ZBTB44: variants seen among roughly 807,000 people sequenced by gnomAD.
ZBTB44 encodes zinc finger and BTB domain containing 44.
A neutral mutation model predicts 54.0 loss-of-function variants in ZBTB44; 15 were observed. That is an observed-to-expected ratio of 0.28 (90% confidence interval 0.19 to 0.43). The LOEUF (loss-of-function observed/expected upper bound fraction) is 0.43. Among genes scored for constraint, ZBTB44 ranks in the 20% least tolerant of loss-of-function variants. ZBTB44 has a pLI of 1.00. For missense variants in ZBTB44, 487 were observed against 707.1 expected (o/e 0.69, Z 3.53); for synonymous variants, 230 against 250.1 (o/e 0.92, Z 0.76).
At chr11:130,256,641 G>A (rs1190660199) in intron 2 of ZBTB44, among the ~76,000 whole-genome samples, 5 of 142,970 alleles carry the variant, frequency 3.5e-5, no homozygotes, top group African/African-American at 1.4e-4. Context: ...GTGACAGAGT[G>A]AGACTCCGTC....
intron 2 of ZBTB44, among the ~76,000 whole-genome samples, chr11:130,255,565 C>T (rs763088095): frequency 2.6e-5 from 4 of 151,584 alleles, no homozygotes; most frequent in East Asian, 1.9e-4. Context: ...AGAGCAGAAC[C>T]GAAAGAGACA....
At chr11:130,249,897 A>G (rs565480906) in intron 2 of ZBTB44, among the ~76,000 whole-genome samples, 1 of 152,220 alleles carries the variant, frequency 6.6e-6, no homozygotes, top group South Asian at 2.1e-4. Flanking sequence ...AACCACAGTG[A>G]GACAGAACCA....
intron 1 of ZBTB44, among the ~76,000 whole-genome samples, chr11:130,302,571 GA>G (rs1168846641): frequency 4.6e-5 from 7 of 152,144 alleles, no homozygotes; most frequent in African/African-American, 1.7e-4. Flanking sequence ...CAGAAAGTAA[GA>G]AGAGCAAAGA....
At chr11:130,305,977 TAA>T (rs1491374305) in intron 1 of ZBTB44, among the ~76,000 whole-genome samples, 1 of 151,936 alleles carries the variant, frequency 6.6e-6, no homozygotes, top group East Asian at 1.9e-4. Context: ...TCAAATGATA[TAA>T]AAACAGCCAA....
intron 2 of ZBTB44, among the ~76,000 whole-genome samples, chr11:130,252,424 A>G (rs887944164): frequency 7.2e-5 from 11 of 152,208 alleles, no homozygotes; most frequent in African/African-American, 2.7e-4. Flanking sequence ...GACCAAGCAG[A>G]CCTAATAGAC....
At position 130,297,652 on chromosome 11, in the gene ZBTB44, C is replaced by G. The variant is rs1217142043; in HGVS notation, c.-57+16723G>C. Among the ~76,000 whole-genome samples, 3 of 152,168 alleles carry G rather than the reference C, an allele frequency of 2.0e-5. No individual in the cohort carries two copies. The East Asian group carries it at 5.8e-4, about 29-fold the overall frequency. ...ACATAGGGAGGATGCCCCATGAAGACAAGCCAAGGCACTACCAGAAGCAAA... is the reference window on the plus strand; with the variant it reads ...ACATAGGGAGGATGCCCCATGAAGAGAAGCCAAGGCACTACCAGAAGCAAA... On this transcript the variant is annotated intron_variant, in intron 1 of 7. Coordinates refer to ENST00000357899, the MANE Select transcript of ZBTB44 (RefSeq NM_001301098.2).
At position 130,226,703 on chromosome 11, in the gene ZBTB44, T is replaced by C. The variant is rs1953704059; in HGVS notation, c.*5061A>G. The stretch of plus-strand genomic sequence containing the variant: ...TTTATTCCATAAAGCATAAGATATT[T>C]TAATGAGAAAACGAAAACAAAATCA... On this transcript the variant is annotated 3_prime_UTR_variant, in exon 8 of 8. Coordinates refer to ENST00000357899, the MANE Select transcript of ZBTB44 (RefSeq NM_001301098.2). 3 of 152,230 alleles carry C rather than the reference T, an allele frequency of 2.0e-5. No homozygotes were observed. The highest frequency in any genetic ancestry group is 2.9e-5 in the Non-Finnish European group (2 of 68,040). 9.4% of individuals were successfully genotyped at this position (152,230 alleles called of 1,614,324 possible).
intron 2 of ZBTB44, among the ~76,000 whole-genome samples, chr11:130,243,469 T>C (rs1954478808): frequency 6.6e-6 from 1 of 152,250 alleles, no homozygotes; most frequent in Non-Finnish European, 1.5e-5. Context: ...AAAGTCTGTG[T>C]TGTAACAATT....
intron 2 of ZBTB44, among the ~76,000 whole-genome samples, chr11:130,249,633 G>C (rs1358836765): frequency 2.0e-5 from 3 of 152,238 alleles, no homozygotes; most frequent in Non-Finnish European, 2.9e-5. Context: ...AGTGGGTACA[G>C]CCCACAGAGG....
chr11:130,279,797 C>A (rs1222116499), intron 1 of ZBTB44, among the ~76,000 whole-genome samples: 2 of 152,282 alleles, frequency 1.3e-5, no homozygotes, highest in East Asian at 3.9e-4. Context: ...AGTCCTCTCC[C>A]ACAACTACCA....
chr11:130,244,022 TG>T (rs1354767312), intron 2 of ZBTB44, among the ~76,000 whole-genome samples: 1 of 152,206 alleles, frequency 6.6e-6, no homozygotes, highest in Non-Finnish European at 1.5e-5. Context: ...CTCTTTGAGT[TG>T]ATCAACCAAA....
At chr11:130,254,956 C>T (rs1591963960) in intron 2 of ZBTB44, among the ~76,000 whole-genome samples, 1 of 151,662 alleles carries the variant, frequency 6.6e-6, no homozygotes, top group Non-Finnish European at 1.5e-5. Context: ...CCATCATTCT[C>T]AGCAAACTAT....
intron 1 of ZBTB44, among the ~76,000 whole-genome samples, chr11:130,265,288 A>G (rs994046933): frequency 2.0e-5 from 3 of 152,010 alleles, no homozygotes; most frequent in Admixed American, 6.6e-5. Context: ...GTGCAGTGGC[A>G]CAATCTTGGC....
chr11:130,229,322 T>C lies in ZBTB44; in HGVS notation c.*2442A>G, dbSNP rs1953791197. 1 of 152,176 alleles carries C rather than the reference T, an allele frequency of 6.6e-6. No individual in the cohort carries two copies. The highest frequency in any genetic ancestry group is 1.5e-5 in the Non-Finnish European group (1 of 68,024). The allele number at this position is 152,176 out of a possible 1,614,324, so 9.4% of individuals were successfully genotyped here. A position where few individuals can be genotyped will look rare whatever the true frequency, so the allele number is the denominator to read the frequency against. On this transcript the variant is annotated 3_prime_UTR_variant, in exon 8 of 8. Coordinates refer to ENST00000357899, the MANE Select transcript of ZBTB44 (RefSeq NM_001301098.2). ...ACTGGTACTACAAGTCTTCATCCCA[T>C]AACTGACACAGGCTTAACCCCCCAT...
At chr11:130,310,003 T>C (rs1021381580) in intron 1 of ZBTB44, among the ~76,000 whole-genome samples, 14 of 152,232 alleles carry the variant, frequency 9.2e-5, no homozygotes, top group Middle Eastern at 3.4e-3. Context: ...TCTATTTTTA[T>C]GGAATTTTTA....
intron 2 of ZBTB44, among the ~76,000 whole-genome samples, chr11:130,249,926 C>A (rs987045604): frequency 6.6e-6 from 1 of 152,138 alleles, no homozygotes; most frequent in Non-Finnish European, 1.5e-5. Flanking sequence ...ACCTTTGCAG[C>A]CCCCTGCAAA....
chr11:130,240,348 T>G (rs369176828), intron 2 of ZBTB44, among the ~76,000 whole-genome samples: 2 of 152,170 alleles, frequency 1.3e-5, no homozygotes, highest in South Asian at 4.1e-4. Context: ...CCGTGTTCTA[T>G]ATTTTTAAAT....
intron 1 of ZBTB44, among the ~76,000 whole-genome samples, chr11:130,277,199 T>C (rs999879597): frequency 6.6e-6 from 1 of 152,244 alleles, no homozygotes; most frequent in African/African-American, 2.4e-5. Flanking sequence ...TCCTCTACTA[T>C]TCCTTTAGTG....
intron 2 of ZBTB44, among the ~76,000 whole-genome samples, chr11:130,256,224 A>G (rs201440387): frequency 1.3e-5 from 2 of 152,234 alleles, no homozygotes; most frequent in East Asian, 3.8e-4. Flanking sequence ...ATCCAGCAGA[A>G]TATCAAAAAG....
Sources: gnomAD v4.1 joint callset for allele counts (sites outside exome capture counted in the v4.1 genomes callset) on GRCh38, gnomAD v4.1.1 for gene constraint, MANE v1.5 for transcripts, NCBI Gene and HGNC (gene_info 2026-07-23, HGNC 2026-07-21) for gene names.